Variants in MMP27 observed in about 807,000 individuals in gnomAD.
The protein encoded by MMP27 is matrix metallopeptidase 27.
A neutral mutation model predicts 48.1 loss-of-function variants in MMP27; 51 were observed. The ratio of observed to expected loss-of-function variants is 1.06; its 90% CI spans 0.85 to 1.34. The LOEUF (loss-of-function observed/expected upper bound fraction) is 1.34, where lower values mean the gene tolerates loss of function less well. MMP27 is among the 40% of genes most tolerant of loss of function. MMP27 has a pLI of 0.00. For missense variants in MMP27, 698 were observed against 619.3 expected (o/e 1.13, Z -1.35); for synonymous variants, 229 against 208.9 (o/e 1.10, Z -0.83).
In MMP27 at chr11:102,695,024, G is replaced by A; in HGVS notation, c.976C>T (p.Pro326Ser). The change falls in exon 7 of 10, where the codon CCA becomes TCA. Residue 326 changes from proline to serine, a missense_variant. By Grantham distance (74) the Pro-to-Ser change is moderately conservative (BLOSUM62 -1). Coordinates refer to ENST00000260229, the MANE Select transcript of MMP27 (RefSeq NM_022122.3). Reference sequence around the variant, plus strand: ...TCGTATGCAGCTTGCAGATCAGCTGGCAGAGATGGCCAGAATGAAGCAATT... The same window carrying A: ...TCGTATGCAGCTTGCAGATCAGCTGACAGAGATGGCCAGAATGAAGCAATT... The part of the protein sequence containing the change: ...ELIASFWPSL[P>S]ADLQAAYENP... 1 of 1,613,960 alleles carries A rather than the reference G, an allele frequency of 6.2e-7. No individual in the cohort carries two copies. The highest frequency in any genetic ancestry group is 2.2e-5 in the East Asian group (1 of 44,850).
In MMP27 at chr11:102,705,509, T is replaced by C. The variant is rs1861030316; in HGVS notation, c.102+104A>G. Reference sequence around the variant, plus strand: ...AAAGCAGTTCCTTCTCACAAAAAAGTTCAGGACTCTTTTGCAGGAATGTGT... The same window carrying C: ...AAAGCAGTTCCTTCTCACAAAAAAGCTCAGGACTCTTTTGCAGGAATGTGT... On this transcript the variant is annotated intron_variant, in intron 1 of 9. Coordinates refer to ENST00000260229, the MANE Select transcript of MMP27 (RefSeq NM_022122.3). The C allele has an allele frequency of 4.3e-6, 3 of 695,446 alleles. No individual in the cohort carries two copies. In the South Asian group the frequency reaches 6.8e-5, roughly 16 times the overall value. 43.1% of individuals were successfully genotyped at this position (695,446 alleles called of 1,614,324 possible).
intron 8 of MMP27, among the ~76,000 whole-genome samples, chr11:102,693,337 A>G (rs911928753): frequency 2.6e-5 from 4 of 152,168 alleles, no homozygotes; most frequent in Non-Finnish European, 2.9e-5. Flanking sequence ...AAAATTTTTC[A>G]CTAGATATGT....
At chr11:102,702,685 A>G in intron 4 of MMP27, 68 bp downstream of exon 4, 1 of 1,510,374 alleles carries the variant, frequency 6.6e-7, no homozygotes, top group South Asian at 1.3e-5. Context: ...GCAGCTAGTT[A>G]CAAAGCTATT....
chr11:102,701,223 A>G (rs1860933940), intron 4 of MMP27, among the ~76,000 whole-genome samples: 1 of 152,114 alleles, frequency 6.6e-6, no homozygotes, highest in Non-Finnish European at 1.5e-5. Context: ...CCCACCCAGA[A>G]CTTGGTTGAG....
chr11:102,696,922 T>C (rs757118418), intron 4 of MMP27, 87 bp from the exon 5 acceptor site: 13 of 1,395,504 alleles, frequency 9.3e-6, no homozygotes, highest in Non-Finnish European at 1.3e-5. Context: ...CTAAGGGGAA[T>C]GAAATAAAGG....
intron 4 of MMP27, among the ~76,000 whole-genome samples, chr11:102,701,003 T>C (rs1860929674): frequency 6.6e-6 from 1 of 152,260 alleles, no homozygotes; most frequent in African/African-American, 2.4e-5. Flanking sequence ...TATTGCTGAA[T>C]TGCCTATTTT....
In MMP27 at chr11:102,691,707, TATTTTG is replaced by T; in HGVS notation, c.*53_*58del. On this transcript the variant is annotated 3_prime_UTR_variant, in exon 10 of 10. Coordinates refer to ENST00000260229, the MANE Select transcript of MMP27 (RefSeq NM_022122.3). ...TTGTTGTTAAAGAATGGTTTTATTC[TATTTTG>T]AAGCAGAATTTATATTAAAAGACCT... 7.1e-7 allele frequency: 1 copy of T among 1,408,100 alleles called. No individual in the cohort carries two copies. Among genetic ancestry groups the T allele is most frequent in the Non-Finnish European group, 9.5e-7 (1 of 1,049,496 alleles). 87.2% of individuals were successfully genotyped at this position (1,408,100 alleles called of 1,614,324 possible).
chr11:102,696,339 G>A (rs369826295), intron 6 of MMP27, 32 bp downstream of exon 6: 64 of 1,608,442 alleles, frequency 4.0e-5, no homozygotes, highest in South Asian at 3.5e-4. Context: ...AATCTTCATA[G>A]GAAGTTGAGG....
chr11:102,696,258 T>G (rs1860824199), intron 6 of MMP27, 113 bp downstream of exon 6: 1 of 1,043,394 alleles, frequency 9.6e-7, no homozygotes, highest in South Asian at 1.5e-5. Flanking sequence ...AGTTATAAAA[T>G]GAAGATAAAA....
At chr11:102,692,113 A>G in intron 9 of MMP27, 103 bp from the exon 10 acceptor site, 1 of 1,138,248 alleles carries the variant, frequency 8.8e-7, no homozygotes, top group Non-Finnish European at 1.2e-6. Flanking sequence ...TGGAGAACGA[A>G]GAAATTTGTG....
At chr11:102,693,127 G>T in intron 8 of MMP27, 86 bp from the exon 9 acceptor site, 1 of 947,278 alleles carries the variant, frequency 1.1e-6, no homozygotes, top group African/African-American at 1.6e-5. Flanking sequence ...AGTCAAGCAG[G>T]GATGTGGGGA....
chr11:102,704,554 T>G lies in MMP27; in HGVS notation c.324A>C (p.Lys108Asn), dbSNP rs763495258. ...QYGYTLPGWR[K>N]YNLTYRIINY... is the part of the protein sequence containing the mutation. Reference sequence around the variant, plus strand: ...AGCATTACCTGTAGGTGAGGTTGTATTTTCTCCACCCAGGGAGGGTGTAGC... The same window carrying G: ...AGCATTACCTGTAGGTGAGGTTGTAGTTTCTCCACCCAGGGAGGGTGTAGC... The change falls in exon 2 of 10, where the codon AAA (lysine) becomes AAC (asparagine). Residue 108 changes from lysine (K) to asparagine (N), a missense_variant. Physicochemically the swap from Lys to Asn is moderately conservative, Grantham distance 94. Coordinates refer to ENST00000260229, the MANE Select transcript of MMP27 (RefSeq NM_022122.3). 2 of 1,613,312 alleles carry G rather than the reference T, an allele frequency of 1.2e-6. No individual in the cohort carries two copies. The highest frequency in any genetic ancestry group is 1.7e-6 in the Non-Finnish European group (2 of 1,179,418).
chr11:102,696,839 G>A lies in MMP27; in HGVS notation c.620-4C>T. 1.9e-6 allele frequency: 3 copies of A among 1,604,962 alleles called. No individual in the cohort carries two copies. The Middle Eastern group carries it at 5.0e-4, about 267-fold the overall frequency. ...GCCACAAGAAACAAGTTGAATCCTT[G>A]ATAATAACAGGGAAAACACGAGCAC... is the stretch of plus-strand genomic sequence containing the variant. On this transcript the variant is annotated splice_region_variant and splice_polypyrimidine_tract_variant and intron_variant, in intron 4 of 9. Transcript: ENST00000260229.
At chr11:102,701,059 A>G (rs1860930816) in intron 4 of MMP27, among the ~76,000 whole-genome samples, 1 of 152,194 alleles carries the variant, frequency 6.6e-6, no homozygotes, top group Non-Finnish European at 1.5e-5. Flanking sequence ...TTGATATTTT[A>G]TGTTTCCATT....
At chr11:102,704,079 C>T (rs1454097124) in intron 2 of MMP27, among the ~76,000 whole-genome samples, 1 of 152,116 alleles carries the variant, frequency 6.6e-6, no homozygotes, top group Non-Finnish European at 1.5e-5. Context: ...AGGGAAACAC[C>T]CTACTTTGCT....
chr11:102,704,425 G>T, intron 2 of MMP27, 112 bp downstream of exon 2: 1 of 811,996 alleles, frequency 1.2e-6, no homozygotes, highest in Non-Finnish European at 2.0e-6. Context: ...AGCCTAAGAT[G>T]TGCTGTGCAC....
intron 7 of MMP27, among the ~76,000 whole-genome samples, chr11:102,694,759 T>C (rs967532801): frequency 1.3e-5 from 2 of 152,238 alleles, no homozygotes; most frequent in Non-Finnish European, 2.9e-5. Context: ...CACAGGTTTA[T>C]TTTAGTCCCT....
intron 9 of MMP27, 102 bp downstream of exon 9, chr11:102,692,835 GC>G: frequency 1.1e-6 from 1 of 879,872 alleles, no homozygotes. Flanking sequence ...CTTAAGAGTA[GC>G]AAAATTGCAT....
intron 2 of MMP27, among the ~76,000 whole-genome samples, chr11:102,703,852 A>C (rs1374972560): frequency 6.6e-6 from 1 of 152,196 alleles, no homozygotes; most frequent in East Asian, 1.9e-4. Flanking sequence ...CATGAGAACC[A>C]CAAGAATTGC....
Sources: allele counts gnomAD v4.1 joint callset (sites outside exome capture counted in the v4.1 genomes callset), GRCh38; gene constraint gnomAD v4.1.1; transcripts MANE v1.5; gene names NCBI Gene and HGNC (gene_info 2026-07-23, HGNC 2026-07-21).